The following SH3TC1 variants were observed in gnomAD, a reference collection of about 807,000 sequenced individuals.
The protein encoded by SH3TC1 is SH3 domain and tetratricopeptide repeats 1.
A neutral mutation model predicts 117.3 loss-of-function variants in SH3TC1; 135 were observed. The ratio of observed to expected loss-of-function variants is 1.15; its 90% CI spans 1.00 to 1.33. The LOEUF (loss-of-function observed/expected upper bound fraction) is 1.33, where lower values mean the gene tolerates loss of function less well. Ranked by LOEUF, SH3TC1 falls within the 40% of genes most tolerant of loss-of-function variation. The pLI, the probability that SH3TC1 is intolerant of heterozygous loss-of-function variation, is 0.00. For missense variants in SH3TC1, 2,092 were observed against 1,794.3 expected (o/e 1.17, Z -3.00); for synonymous variants, 898 against 816.9 (o/e 1.10, Z -1.69).
chr4:8,206,074 G>A lies in SH3TC1; in HGVS notation c.172+708G>A, dbSNP rs1177354981. ...GACTCCAGGGCTTGGCACATGGTAG[G>A]TGCTTCGTCACTGTTCAAGGGATTG... On this transcript the variant is annotated intron_variant, in intron 2 of 17. Transcript: ENST00000245105. The surrounding 1 kb of genome is among the most constrained non-coding windows in gnomAD (Gnocchi z 5.5). 2 of 211,242 alleles carry A rather than the reference G, an allele frequency of 9.5e-6. No homozygotes were observed. Among genetic ancestry groups the A allele is most frequent in the Non-Finnish European group, 1.9e-5 (2 of 105,252 alleles). 13.1% of individuals were successfully genotyped at this position (211,242 alleles called of 1,614,324 possible). A position where few individuals can be genotyped will look rare whatever the true frequency, so the allele number is the denominator to read the frequency against.
At chr4:8,219,882 C>T (rs1719737154) in intron 9 of SH3TC1, among the ~76,000 whole-genome samples, 1 of 152,126 alleles carries the variant, frequency 6.6e-6, no homozygotes, top group Non-Finnish European at 1.5e-5. Context: ...AAACCAAGGC[C>T]AGAAGGGCCA....
At chr4:8,198,421 C>T (rs1717633659), upstream of SH3TC1, among the ~76,000 whole-genome samples, 1 of 152,240 alleles carries the variant, frequency 6.6e-6, no homozygotes. Context: ...GCCCGCAGCC[C>T]ACACCCACCA....
In SH3TC1 at chr4:8,227,783, G is replaced by A. The variant is rs940337971; in HGVS notation, c.2089G>A (p.Asp697Asn). Residue 697 changes from aspartate to asparagine, a missense_variant, in exon 12 of 18, where the codon GAC becomes AAC. Asp to Asn is a conservative substitution (Grantham distance 23). Transcript: ENST00000245105. Reference protein sequence around the residue: ...FLERLLLLHRDSGAPEAAWLS... With the variant: ...FLERLLLLHRNSGAPEAAWLS... The stretch of plus-strand genomic sequence containing the variant: ...AGAGCGGCTGCTGCTTTTGCACAGG[G>A]ACTCGGGAGCCCCAGAGGCCGCGTG... The A allele has an allele frequency of 3.1e-6, 5 of 1,612,692 alleles. No homozygotes were observed. The highest frequency in any genetic ancestry group is 3.3e-4 in the Middle Eastern group (2 of 6,062).
chr4:8,225,344 G>A lies in SH3TC1; in HGVS notation c.1285+128G>A, dbSNP rs531840015. 1.9e-6 allele frequency: 2 copies of A among 1,064,654 alleles called. No homozygotes were observed. The highest frequency in any genetic ancestry group is 2.6e-5 in the East Asian group (1 of 37,780). 66.0% of individuals were successfully genotyped at this position (1,064,654 alleles called of 1,614,324 possible). On this transcript the variant is annotated intron_variant, in intron 11 of 17. Coordinates refer to ENST00000245105, the MANE Select transcript of SH3TC1 (RefSeq NM_018986.5). The surrounding 1 kb of genome is among the most constrained non-coding windows in gnomAD (Gnocchi z 5.5). ...CTGTCACCCCTCTGTGGTGTGGGCT[G>A]GGGGCTTGGGGGAGGTTGCCTGAGG...
rs954236266 is a variant in SH3TC1, at chr4:8,206,031, C to T, written c.172+665C>T. Reference sequence around the variant, plus strand: ...CCTCAGCCCAGTCTCCTCTTAGCTGCCTATGTCCCTGTCTTGGGACTCCAG... The same window carrying T: ...CCTCAGCCCAGTCTCCTCTTAGCTGTCTATGTCCCTGTCTTGGGACTCCAG... On this transcript the variant is annotated intron_variant, in intron 2 of 17. Transcript: ENST00000245105. This position sits in a 1 kb window ranked among gnomAD's most constrained non-coding sequence, Gnocchi z 5.5. 1 of 276,112 alleles carries T rather than the reference C, an allele frequency of 3.6e-6. No homozygotes were observed. The highest frequency in any genetic ancestry group is 4.7e-5 in the Admixed American group (1 of 21,094). The allele number at this position is 276,112 out of a possible 1,614,324, so 17.1% of individuals were successfully genotyped here.
rs902597779 is a variant in SH3TC1, at chr4:8,190,577, C to T, written c.-57+8367C>T. Among the ~76,000 whole-genome samples, 1 of 152,122 alleles carries T rather than the reference C, an allele frequency of 6.6e-6. No individual in the cohort carries two copies. The highest frequency in any genetic ancestry group is 2.4e-5 in the African/African-American group (1 of 41,422). On this transcript the variant is annotated intron_variant, in intron 1 of 16. Coordinates refer to the SH3TC1 transcript ENST00000508641. The surrounding 1 kb of genome is among the most constrained non-coding windows in gnomAD (Gnocchi z 4.7). ...GGACCTTCTCCTCTGTGCACTCTCT[C>T]GGTCACCCACACCCCACCAGCCGGC...
rs778236740 is a variant in SH3TC1, at chr4:8,205,348, A to T, written c.154A>T (p.Lys52Ter). The T allele has an allele frequency of 5.5e-5, 85 of 1,548,948 alleles. 1 individual carries two copies. The South Asian group carries it at 9.4e-4, about 17-fold the overall frequency. ...GGAGAAAGCGGGGCCCGAGGAGGCC[A>T]AGGCGCCAGTGAGAGGCGGTGAGTT... ...SWEKAGPEEAKAPVRGDEAPP... is the reference protein window; with the variant it reads ...SWEKAGPEEA The change falls in exon 2 of 18, where the codon AAG becomes TAG. Residue 52 changes from lysine (K) to a stop codon, truncating the protein, a stop_gained. Coordinates refer to ENST00000245105, the MANE Select transcript of SH3TC1 (RefSeq NM_018986.5). LOFTEE classifies it high-confidence loss of function. This position sits in a 1 kb window ranked among gnomAD's most constrained non-coding sequence, Gnocchi z 5.4.
At chr4:8,232,359 C>G (rs372626558) in intron 13 of SH3TC1, 3 of 1,579,246 alleles carry the variant, frequency 1.9e-6, no homozygotes, top group East Asian at 4.5e-5. Context: ...TTGAGCTTCC[C>G]TTGTTGGGTG....
At chr4:8,230,951 TG>T (rs1332694710) in intron 12 of SH3TC1, among the ~76,000 whole-genome samples, 4 of 152,102 alleles carry the variant, frequency 2.6e-5, no homozygotes, top group African/African-American at 9.7e-5. Context: ...GGCTAATTTT[TG>T]TATTTTTTTG....
Position 8,212,639 on chromosome 4 carries a change from G to A in SH3TC1, c.248-62G>A, listed in dbSNP as rs1289250227. 3 of 1,608,134 alleles carry A rather than the reference G, an allele frequency of 1.9e-6. No individual in the cohort carries two copies. The African/African-American group carries it at 4.0e-5, about 21-fold the overall frequency. ...GTTGGAGGCTGGCAGGTGGAGTACA[G>A]TGCCCCACAGACTTCCCAGCCCAGG... On this transcript the variant is annotated intron_variant, in intron 3 of 17. Coordinates refer to ENST00000245105, the MANE Select transcript of SH3TC1 (RefSeq NM_018986.5).
At chr4:8,239,662 G>A (rs1722159821) in intron 17 of SH3TC1, among the ~76,000 whole-genome samples, 1 of 152,218 alleles carries the variant, frequency 6.6e-6, no homozygotes. Flanking sequence ...GCTTTGGCTG[G>A]CTCCTTCCTG....
At position 8,240,718 on chromosome 4, in the gene SH3TC1, G is replaced by T; in HGVS notation, c.3774G>T (p.Gly1258=). The T allele has an allele frequency of 6.2e-7, 1 of 1,614,008 alleles. No individual in the cohort carries two copies. The highest frequency in any genetic ancestry group is 8.5e-7 in the Non-Finnish European group (1 of 1,180,034). The change falls in exon 18 of 18, where the codon GGG becomes GGT. Residue 1258 remains glycine, a synonymous_variant. Coordinates refer to ENST00000245105, the MANE Select transcript of SH3TC1 (RefSeq NM_018986.5). ...TTCAGGACCCGTTTGATGCAGCCGG[G>T]TACTACCAGCTGGCGCTGGCAGCCG... The part of the protein sequence containing the change: ...YDLKDPFDAA[G]YYQLALAAAV...
chr4:8,212,097 T>C (rs1363742846), intron 3 of SH3TC1, among the ~76,000 whole-genome samples: 1 of 151,496 alleles, frequency 6.6e-6, no homozygotes, highest in Non-Finnish European at 1.5e-5. Context: ...GAGTAGGAGG[T>C]GTCATTGATC....
Position 8,192,397 on chromosome 4 carries a change from TTTGTAAGCCTGAAGG to T in SH3TC1, c.-57+10194_-57+10208del, listed in dbSNP as rs1454770866. Among the ~76,000 whole-genome samples the T allele has an allele frequency of 6.6e-6, 1 of 152,184 alleles. No individual in the cohort carries two copies. The highest frequency in any genetic ancestry group is 1.5e-5 in the Non-Finnish European group (1 of 68,042). On this transcript the variant is annotated intron_variant, in intron 1 of 16. Coordinates refer to the SH3TC1 transcript ENST00000508641. The surrounding 1 kb of genome is among the most constrained non-coding windows in gnomAD (Gnocchi z 4.1). ...TTCGCCCTGCCCCTCAGTCTCCCCA[TTTGTAAGCCTGAAGG>T]TTGTAAATTACAATCTTCTTATCCA...
At chr4:8,214,353 G>C in intron 4 of SH3TC1, 122 bp from the exon 5 acceptor site, 1 of 813,316 alleles carries the variant, frequency 1.2e-6, no homozygotes, top group Non-Finnish European at 1.9e-6. Flanking sequence ...AATCTGCCCT[G>C]GGTGTGTCGT....
intron 12 of SH3TC1, among the ~76,000 whole-genome samples, chr4:8,229,573 G>A (rs956088473): frequency 6.6e-5 from 10 of 151,884 alleles, no homozygotes; most frequent in African/African-American, 2.4e-4. Flanking sequence ...GCAGGGAGGT[G>A]CAGAGTTGGG....
Position 8,216,222 on chromosome 4 carries a change from T to G in SH3TC1, c.593T>G (p.Leu198Ter), listed in dbSNP as rs780736932. The G allele has an allele frequency of 6.2e-7, 1 of 1,613,752 alleles. No individual in the cohort carries two copies. The highest frequency in any genetic ancestry group is 1.3e-5 in the African/African-American group (1 of 75,030). The change falls in exon 6 of 18, where the codon TTA (leucine) becomes TGA (stop). Residue 198 changes from leucine (L) to a stop codon, truncating the protein, a stop_gained. Coordinates refer to ENST00000245105, the MANE Select transcript of SH3TC1 (RefSeq NM_018986.5). LOFTEE classifies it high-confidence loss of function. ...AIQVHVDENA[L>*]RLTHESLLIQ... ...CAAGTCCATGTGGATGAGAACGCCTTAAGGCTGACCCACGAGAGCCTCCTC... is the reference window on the plus strand; with the variant it reads ...CAAGTCCATGTGGATGAGAACGCCTGAAGGCTGACCCACGAGAGCCTCCTC...
chr4:8,214,579 C>A lies in SH3TC1; in HGVS notation c.480C>A (p.Leu160=). ...EIWKFSTYHA[L]GFTHHCLANL... is the part of the protein sequence containing the mutation. ...GGAAGTTTTCCACCTACCATGCTCT[C>A]GGTAAAGAGGTGACCCTCCCAGAAT... is the stretch of plus-strand genomic sequence containing the variant. The change falls in exon 5 of 18, where the codon CTC becomes CTA. Residue 160 remains leucine (L), a splice_region_variant and synonymous_variant. Transcript: ENST00000245105. The A allele has an allele frequency of 6.2e-7, 1 of 1,613,436 alleles. No individual in the cohort carries two copies. The highest frequency in any genetic ancestry group is 8.5e-7 in the Non-Finnish European group (1 of 1,179,622).
chr4:8,218,843 G>C (rs1450563518), intron 8 of SH3TC1, among the ~76,000 whole-genome samples: 1 of 152,196 alleles, frequency 6.6e-6, no homozygotes, highest in Admixed American at 6.5e-5. Context: ...CTTCTCCTTG[G>C]ATGCCGGGTC....
Sources: allele counts gnomAD v4.1 joint callset (sites outside exome capture counted in the v4.1 genomes callset), GRCh38; gene constraint gnomAD v4.1.1; non-coding constraint Gnocchi (gnomAD v3.1); transcripts MANE v1.5; gene names NCBI Gene and HGNC (gene_info 2026-07-23, HGNC 2026-07-21).